Variants in ITGA9 observed in about 807,000 individuals in gnomAD.
ITGA9 encodes the protein integrin subunit alpha 9.
Under a neutral mutation model 127.8 loss-of-function variants are expected in ITGA9, and 56 were observed. The observed-to-expected ratio is 0.44, with a 90% CI of 0.35 to 0.55. The LOEUF (loss-of-function observed/expected upper bound fraction) is 0.55. ITGA9 is among the 20% of genes least tolerant of loss of function. The pLI is 0.00. For missense variants in ITGA9, 1,196 were observed against 1,347.1 expected (o/e 0.89, Z 1.76); for synonymous variants, 508 against 514.5 (o/e 0.99, Z 0.17).
chr3:37,584,306 C>T (rs1436951753), intron 15 of ITGA9, among the ~76,000 whole-genome samples: 2 of 152,130 alleles, frequency 1.3e-5, no homozygotes, highest in African/African-American at 4.8e-5. Flanking sequence ...GGGGTAGGCT[C>T]AGAACTGGCA....
intron 26 of ITGA9, among the ~76,000 whole-genome samples, chr3:37,788,400 G>A (rs150298887): frequency 1.4e-3 from 206 of 152,202 alleles, no homozygotes; most frequent in African/African-American, 4.8e-3. Flanking sequence ...CTCACCGGGC[G>A]CTTGTTTCTC....
chr3:37,731,065 G>C (rs1696285145), intron 18 of ITGA9, among the ~76,000 whole-genome samples: 1 of 152,144 alleles, frequency 6.6e-6, no homozygotes, highest in Admixed American at 6.5e-5. Flanking sequence ...CATAGCAGCA[G>C]CTACCAAACA....
intron 15 of ITGA9, among the ~76,000 whole-genome samples, chr3:37,625,840 T>C (rs897911476): frequency 2.0e-5 from 3 of 152,202 alleles, no homozygotes; most frequent in Non-Finnish European, 4.4e-5. Context: ...TGTTGGCCTG[T>C]TTCTAATTGC....
intron 5 of ITGA9, among the ~76,000 whole-genome samples, chr3:37,502,119 G>C (rs1579068492): frequency 6.6e-6 from 1 of 151,946 alleles, no homozygotes; most frequent in Non-Finnish European, 1.5e-5. Flanking sequence ...CAGCATTGGT[G>C]ATGGTTCTGG....
chr3:37,622,035 T>C (rs1484546342), intron 15 of ITGA9, among the ~76,000 whole-genome samples: 3 of 152,208 alleles, frequency 2.0e-5, no homozygotes, highest in African/African-American at 4.8e-5. Context: ...TGAAGTTCTG[T>C]CTTAGAAGAC....
At chr3:37,490,441 T>C (rs1482104017) in intron 4 of ITGA9, among the ~76,000 whole-genome samples, 1 of 152,228 alleles carries the variant, frequency 6.6e-6, no homozygotes, top group Non-Finnish European at 1.5e-5. Context: ...ATTTCAGAGC[T>C]AAGCTAAGGA....
intron 15 of ITGA9, among the ~76,000 whole-genome samples, chr3:37,572,250 G>A (rs904732406): frequency 2.6e-5 from 4 of 151,990 alleles, no homozygotes; most frequent in Admixed American, 6.6e-5. Flanking sequence ...TTGTTTCTTC[G>A]AGGGAGCTTG....
chr3:37,709,161 A>G (rs548337715), intron 18 of ITGA9, among the ~76,000 whole-genome samples: 1 of 152,330 alleles, frequency 6.6e-6, no homozygotes, highest in South Asian at 2.1e-4. Context: ...ATTAAATTAG[A>G]CATTCATGTA....
At chr3:37,779,618 A>C (rs1396653966) in intron 24 of ITGA9, among the ~76,000 whole-genome samples, 3 of 152,234 alleles carry the variant, frequency 2.0e-5, no homozygotes, top group Admixed American at 6.5e-5. Flanking sequence ...TAAAAAAAAA[A>C]ACAATTATTT....
At chr3:37,705,363 G>A (rs1010347597) in intron 18 of ITGA9, among the ~76,000 whole-genome samples, 2 of 152,164 alleles carry the variant, frequency 1.3e-5, no homozygotes, top group African/African-American at 4.8e-5. Flanking sequence ...CTTGTCATAG[G>A]AGGATGGAAG....
At chr3:37,654,227 C>CAT (rs1240978927) in intron 17 of ITGA9, among the ~76,000 whole-genome samples, 1 of 149,542 alleles carries the variant, frequency 6.7e-6, no homozygotes, top group Non-Finnish European at 1.5e-5. Flanking sequence ...CACACACACA[C>CAT]ACACTAGTGT....
At chr3:37,738,162 A>G (rs1696387638) in intron 20 of ITGA9, among the ~76,000 whole-genome samples, 1 of 152,260 alleles carries the variant, frequency 6.6e-6, no homozygotes, top group East Asian at 1.9e-4. Flanking sequence ...TCAAGATCAC[A>G]TAATTTACAT....
chr3:37,472,367 A>G (rs1698441917), intron 2 of ITGA9, among the ~76,000 whole-genome samples: 1 of 152,196 alleles, frequency 6.6e-6, no homozygotes, highest in South Asian at 2.1e-4. Flanking sequence ...GTCTTTTTGC[A>G]TAAAGATTTT....
chr3:37,804,274 TA>T (rs963112819), intron 27 of ITGA9, among the ~76,000 whole-genome samples: 4 of 152,174 alleles, frequency 2.6e-5, no homozygotes, highest in African/African-American at 9.7e-5. Context: ...CCCATTTGCT[TA>T]AAAAAGATCA....
At chr3:37,603,559 A>C (rs1699941400) in intron 15 of ITGA9, among the ~76,000 whole-genome samples, 2 of 152,194 alleles carry the variant, frequency 1.3e-5, no homozygotes, top group South Asian at 4.1e-4. Flanking sequence ...ATAATAGGGA[A>C]GGGATGTGTG....
chr3:37,646,357 TAGA>T (rs1357320583), intron 16 of ITGA9, among the ~76,000 whole-genome samples: 2 of 152,066 alleles, frequency 1.3e-5, no homozygotes, highest in East Asian at 3.9e-4. Flanking sequence ...CTAAAAGAAG[TAGA>T]GTAAGGATTT....
chr3:37,801,106 A>T (rs750637901), intron 26 of ITGA9, among the ~76,000 whole-genome samples: 7 of 152,186 alleles, frequency 4.6e-5, no homozygotes, highest in Non-Finnish European at 8.8e-5. Flanking sequence ...CAGAGGTTGC[A>T]GTGAGTTGAG....
At chr3:37,593,358 T>C (rs1575160828) in intron 15 of ITGA9, among the ~76,000 whole-genome samples, 1 of 152,248 alleles carries the variant, frequency 6.6e-6, no homozygotes, top group South Asian at 2.1e-4. Context: ...CTGTGGTTGG[T>C]TGAATCCATG....
intron 5 of ITGA9, 42 bp downstream of exon 5, chr3:37,494,610 G>T: frequency 1.3e-6 from 2 of 1,531,052 alleles, no homozygotes; most frequent in South Asian, 1.1e-5. Flanking sequence ...TCTTGTGGGT[G>T]TTCATTTCCT....
Sources: gnomAD v4.1 joint callset for allele counts (sites outside exome capture counted in the v4.1 genomes callset) on GRCh38, gnomAD v4.1.1 for gene constraint, MANE v1.5 for transcripts, NCBI Gene and HGNC (gene_info 2026-07-23, HGNC 2026-07-21) for gene names.